KIF16B: variants seen among roughly 807,000 people sequenced by gnomAD.
KIF16B encodes the protein kinesin family member 16B, also known as kinesin-like protein KIF16B.
Under a neutral mutation model 156.3 loss-of-function variants are expected in KIF16B, and 98 were observed. That is an observed-to-expected ratio of 0.63 (90% CI 0.53 to 0.74). The LOEUF (loss-of-function observed/expected upper bound fraction) is 0.74, where lower values mean the gene tolerates loss of function less well. Ranked by LOEUF, KIF16B falls within the 30% of genes least tolerant of loss-of-function variation. The pLI is 0.00. For synonymous variants in KIF16B, 564 were observed against 583.7 expected, an observed-to-expected ratio of 0.97 and a Z score of 0.49; for missense variants, 1,421 against 1,606.5, an observed-to-expected ratio of 0.88 and a Z score of 1.97.
chr20:16,364,409 C>T (rs893485621), intron 22 of KIF16B, among the ~76,000 whole-genome samples: 2 of 152,112 alleles, frequency 1.3e-5, no homozygotes, highest in African/African-American at 2.4e-5. Flanking sequence ...AAGATGTATG[C>T]GTCTATTTTT....
At chr20:16,569,885 T>A (rs1328577151) in intron 1 of KIF16B, among the ~76,000 whole-genome samples, 2 of 152,200 alleles carry the variant, frequency 1.3e-5, no homozygotes, top group African/African-American at 4.8e-5. Flanking sequence ...AAGCCTTTCA[T>A]CTTTGCCTAA....
chr20:16,338,232 C>A (rs567477199), intron 23 of KIF16B, among the ~76,000 whole-genome samples: 54 of 152,286 alleles, frequency 3.5e-4, no homozygotes, highest in African/African-American at 1.1e-3. Context: ...CTTCTCCCCC[C>A]ACACTCTTCA....
At chr20:16,383,472 A>T (rs1319019172) in intron 17 of KIF16B, among the ~76,000 whole-genome samples, 2 of 152,224 alleles carry the variant, frequency 1.3e-5, no homozygotes, top group African/African-American at 4.8e-5. Context: ...TATTCTACTG[A>T]CAAATGGAAA....
At chr20:16,339,656 A>G (rs1209927606) in intron 23 of KIF16B, among the ~76,000 whole-genome samples, 2 of 152,104 alleles carry the variant, frequency 1.3e-5, no homozygotes, top group Non-Finnish European at 2.9e-5. Flanking sequence ...CCCTTTCCCC[A>G]TCTCAGTAAA....
intron 17 of KIF16B, among the ~76,000 whole-genome samples, chr20:16,386,481 T>C (rs1279524020): frequency 1.3e-5 from 2 of 151,504 alleles, no homozygotes; most frequent in African/African-American, 4.9e-5. Context: ...GATGAGTGAG[T>C]GAGAGGAACC....
At position 16,273,388 on chromosome 20, in the gene KIF16B, G is replaced by A. The variant is rs181743010; in HGVS notation, c.3819C>T (p.Ser1273=). 5.1e-5 allele frequency: 82 copies of A among 1,613,948 alleles called. No individual in the cohort carries two copies. The highest frequency in any genetic ancestry group is 4.0e-4 in the Admixed American group (24 of 60,012). The stretch of plus-strand genomic sequence containing the variant: ...GAGATGTTGCGGACTGGAGCATCAC[G>A]CTGAAAAAGTCCCTGAGGTATTTCT... ...HLEKYLRDFF[S]VMLQSATSPL... Residue 1273 remains serine (S), a synonymous_variant, in exon 26 of 26, where the codon AGC becomes AGT. Coordinates refer to ENST00000354981, the MANE Select transcript of KIF16B (RefSeq NM_024704.5).
chr20:16,473,199 T>C (rs934751885), intron 12 of KIF16B, among the ~76,000 whole-genome samples: 1 of 152,158 alleles, frequency 6.6e-6, no homozygotes, highest in South Asian at 2.1e-4. Flanking sequence ...ACAAGGAACT[T>C]TGGAGCAAGC....
chr20:16,379,623 G>A lies in KIF16B; in HGVS notation c.2379C>T (p.Asp793=), dbSNP rs145326533. 10 of 1,613,950 alleles carry A rather than the reference G, an allele frequency of 6.2e-6. No individual in the cohort carries two copies. In the African/African-American group the frequency reaches 1.3e-4, roughly 22 times the overall value. Residue 793 remains aspartate (D), a synonymous_variant, in exon 19 of 26, where the codon GAC becomes GAT. Coordinates refer to ENST00000354981, the MANE Select transcript of KIF16B (RefSeq NM_024704.5). ...EVQWVEEEKR[D]LEGIRESLLR... ...GGAGGGATTCCCGAATGCCTTCCAGGTCCCTCTTCTCCTCTTCCACCCACT... is the reference window on the plus strand; with the variant it reads ...GGAGGGATTCCCGAATGCCTTCCAGATCCCTCTTCTCCTCTTCCACCCACT...
In KIF16B at chr20:16,479,809, T is replaced by A. The variant is rs540973219; in HGVS notation, c.1302+14482A>T. Among the ~76,000 whole-genome samples the A allele has an allele frequency of 7.3e-4, 111 of 152,334 alleles. 1 individual carries two copies. The highest frequency in any genetic ancestry group is 1.4e-3 in the Non-Finnish European group (96 of 68,036). The stretch of plus-strand genomic sequence containing the variant: ...TAGCAGGCCATACCATCTAGGTCTG[T>A]GTAAGTCACTCTATGATGTTTGCAC... On this transcript the variant is annotated intron_variant, in intron 12 of 25. Coordinates refer to ENST00000354981, the MANE Select transcript of KIF16B (RefSeq NM_024704.5).
chr20:16,380,200 A>G, intron 18 of KIF16B, 37 bp from the exon 19 acceptor site: 1 of 1,453,644 alleles, frequency 6.9e-7, no homozygotes, highest in Non-Finnish European at 9.1e-7. Flanking sequence ...TTATCTGGTC[A>G]TTGTTCAAAT....
chr20:16,345,347 A>C (rs2064212740), intron 23 of KIF16B, among the ~76,000 whole-genome samples: 1 of 152,236 alleles, frequency 6.6e-6, no homozygotes, highest in Non-Finnish European at 1.5e-5. Flanking sequence ...GTTAAGCAAT[A>C]AAAGAAATAA....
chr20:16,290,576 T>TA (rs1368110778), intron 25 of KIF16B, among the ~76,000 whole-genome samples: 1 of 152,198 alleles, frequency 6.6e-6, no homozygotes, highest in Non-Finnish European at 1.5e-5. Flanking sequence ...GGGTGCCTGA[T>TA]GCTCCTGTGA....
intron 25 of KIF16B, among the ~76,000 whole-genome samples, chr20:16,299,891 A>T (rs578201866): frequency 1.3e-5 from 2 of 152,342 alleles, no homozygotes; most frequent in Admixed American, 6.5e-5. Flanking sequence ...TTATACTAAC[A>T]GTTAAATCTA....
At chr20:16,453,340 A>G (rs2067134287) in intron 12 of KIF16B, among the ~76,000 whole-genome samples, 1 of 152,208 alleles carries the variant, frequency 6.6e-6, no homozygotes, top group Non-Finnish European at 1.5e-5. Flanking sequence ...TAGAGAAAAA[A>G]TTTCTAATTA....
intron 17 of KIF16B, among the ~76,000 whole-genome samples, chr20:16,389,465 G>A (rs2065310517): frequency 6.6e-6 from 1 of 152,174 alleles, no homozygotes; most frequent in Admixed American, 6.5e-5. Flanking sequence ...AGAACTCAAT[G>A]GACGGTGTTT....
At chr20:16,568,767 A>G (rs2071350839) in intron 1 of KIF16B, among the ~76,000 whole-genome samples, 1 of 135,980 alleles carries the variant, frequency 7.4e-6, no homozygotes, top group South Asian at 2.6e-4. Flanking sequence ...TCAGTGAGCC[A>G]CGACTCTGCG....
At chr20:16,336,331 A>C (rs1346741789) in intron 23 of KIF16B, among the ~76,000 whole-genome samples, 1 of 152,210 alleles carries the variant, frequency 6.6e-6, no homozygotes, top group Non-Finnish European at 1.5e-5. Context: ...GAGGTGGAAG[A>C]GGAAAAAAAT....
At chr20:16,390,933 C>T (rs1301189334) in intron 17 of KIF16B, among the ~76,000 whole-genome samples, 1 of 152,078 alleles carries the variant, frequency 6.6e-6, no homozygotes, top group Non-Finnish European at 1.5e-5. Flanking sequence ...GCTCATATAT[C>T]GATCACACAG....
intron 12 of KIF16B, among the ~76,000 whole-genome samples, chr20:16,486,587 A>G (rs1234330491): frequency 6.6e-6 from 1 of 152,196 alleles, no homozygotes; most frequent in Non-Finnish European, 1.5e-5. Flanking sequence ...GAGCTGAACT[A>G]TACGGACTCG....
Sources: allele counts gnomAD v4.1 joint callset (sites outside exome capture counted in the v4.1 genomes callset), GRCh38; gene constraint gnomAD v4.1.1; transcripts MANE v1.5; gene names NCBI Gene and HGNC (gene_info 2026-07-23, HGNC 2026-07-21).